The following STPG2 variants were observed in gnomAD, a reference collection of about 807,000 sequenced individuals.
STPG2 encodes sperm-tail PG-rich repeat-containing protein 2.
STPG2 carries 56 observed loss-of-function variants against 54.2 expected under a neutral mutation model. The ratio of observed to expected loss-of-function variants is 1.03; its 90% CI spans 0.83 to 1.29. STPG2 has a LOEUF of 1.29. Among genes scored for constraint, STPG2 ranks in the 50% most tolerant of loss-of-function variants. The pLI is 0.00. For synonymous variants in STPG2, 200 were observed against 181.8 expected (o/e 1.10, Z -0.81); for missense variants, 596 against 544.9 (o/e 1.09, Z -0.93).
intron 3 of STPG2, among the ~76,000 whole-genome samples, chr4:98,110,850 C>T (rs1305268303): frequency 6.6e-6 from 1 of 152,030 alleles, no homozygotes; most frequent in East Asian, 1.9e-4. Flanking sequence ...GTGGAACCAA[C>T]CTCTCTCAGT....
rs527977206 is a variant in STPG2, at chr4:97,932,681, G to A, written c.1044+11216C>T. Among the ~76,000 whole-genome samples the A allele has an allele frequency of 4.1e-4, 63 of 152,182 alleles. 1 individual carries two copies. The highest frequency in any genetic ancestry group is 9.7e-4 in the East Asian group (5 of 5,180). On this transcript the variant is annotated intron_variant, in intron 8 of 10. Transcript: ENST00000295268. ...GGCTTCCAGCTCCATCCATGCACCC[G>A]CAAAGGACATAATCTCATTCCTTTT... is the stretch of plus-strand genomic sequence containing the variant.
intron 10 of STPG2, among the ~76,000 whole-genome samples, chr4:97,590,409 T>C (rs756972051): frequency 1.1e-4 from 16 of 151,766 alleles, no homozygotes; most frequent in African/African-American, 1.9e-4. Context: ...TTATATACTA[T>C]AGGGAAAGGG....
chr4:97,810,293 G>A (rs936778813), intron 9 of STPG2, among the ~76,000 whole-genome samples: 8 of 151,802 alleles, frequency 5.3e-5, no homozygotes, highest in African/African-American at 1.7e-4. Context: ...GTGAAACCCC[G>A]TCTCTACTAA....
intron 4 of STPG2, among the ~76,000 whole-genome samples, chr4:97,466,890 C>T (rs556993571): frequency 1.6e-4 from 24 of 152,004 alleles, no homozygotes; most frequent in Non-Finnish European, 1.5e-4. Context: ...AACAGGATTA[C>T]CTATAAGTTG....
chr4:97,638,940 T>G (rs1404344145), intron 10 of STPG2, among the ~76,000 whole-genome samples: 5 of 149,354 alleles, frequency 3.3e-5, no homozygotes, highest in African/African-American at 1.3e-4. Flanking sequence ...AGTGTGGCGA[T>G]TCCTCAGGGA....
intron 10 of STPG2, among the ~76,000 whole-genome samples, chr4:97,690,563 AG>A (rs796463543): frequency 8.2e-4 from 125 of 152,288 alleles, no homozygotes; most frequent in African/African-American, 2.9e-3. Flanking sequence ...ATTCTTAACC[AG>A]TACTGAGAAA....
At chr4:97,584,400 C>G (rs1732939248) in intron 10 of STPG2, among the ~76,000 whole-genome samples, 1 of 151,790 alleles carries the variant, frequency 6.6e-6, no homozygotes, top group Non-Finnish European at 1.5e-5. Context: ...GAGGAAAGTT[C>G]ATAGCATTAA....
chr4:97,994,159 G>A (rs1470434733), intron 5 of STPG2, among the ~76,000 whole-genome samples: 2 of 152,012 alleles, frequency 1.3e-5, no homozygotes, highest in Admixed American at 1.3e-4. Flanking sequence ...GGTTTGAGAG[G>A]TTGTATCATT....
intron 4 of STPG2, among the ~76,000 whole-genome samples, chr4:97,483,648 C>T (rs1357952658): frequency 1.3e-5 from 2 of 151,782 alleles, no homozygotes; most frequent in Admixed American, 1.3e-4. Context: ...ATTCCACTGA[C>T]AGCACTAGAC....
chr4:98,063,874 T>C (rs1324055678), intron 5 of STPG2, among the ~76,000 whole-genome samples: 3 of 151,914 alleles, frequency 2.0e-5, no homozygotes, highest in Non-Finnish European at 4.4e-5. Context: ...ACTACGTTTC[T>C]ACAAAAAAAA....
intron 9 of STPG2, among the ~76,000 whole-genome samples, chr4:97,839,146 T>A (rs1468640491): frequency 6.6e-6 from 1 of 151,604 alleles, no homozygotes; most frequent in African/African-American, 2.4e-5. Context: ...GGAAGAAACA[T>A]GTTTCATATT....
At chr4:97,842,985 C>T (rs150019930) in intron 8 of STPG2, among the ~76,000 whole-genome samples, 295 of 151,930 alleles carry the variant, frequency 1.9e-3, no homozygotes, top group African/African-American at 7.0e-3. Context: ...GAAACTCTGT[C>T]TAATAACAAT....
At chr4:98,076,734 A>T (rs1309704372) in intron 5 of STPG2, among the ~76,000 whole-genome samples, 1 of 152,226 alleles carries the variant, frequency 6.6e-6, no homozygotes, top group Admixed American at 6.5e-5. Flanking sequence ...CTATAATTTT[A>T]ACAGGTATAG....
chr4:97,814,906 G>A (rs371871740), intron 9 of STPG2, among the ~76,000 whole-genome samples: 7 of 152,108 alleles, frequency 4.6e-5, no homozygotes, highest in African/African-American at 9.6e-5. Context: ...CCCTGTGATC[G>A]TGTGAGTTAA....
chr4:97,497,146 A>T (rs907258733), intron 4 of STPG2, among the ~76,000 whole-genome samples: 2 of 151,794 alleles, frequency 1.3e-5, no homozygotes, highest in African/African-American at 4.8e-5. Context: ...CTTCTCAAGC[A>T]TTAAAGAAAA....
At chr4:98,007,682 G>C (rs1302800221) in intron 5 of STPG2, among the ~76,000 whole-genome samples, 1 of 151,686 alleles carries the variant, frequency 6.6e-6, no homozygotes, top group Non-Finnish European at 1.5e-5. Flanking sequence ...TGAGATCCAA[G>C]AGTAATCTTA....
intron 4 of STPG2, among the ~76,000 whole-genome samples, chr4:97,505,888 T>C (rs1405791747): frequency 4.6e-5 from 7 of 151,544 alleles, no homozygotes; most frequent in African/African-American, 1.7e-4. Context: ...TATTTAGTTG[T>C]ACAATGGCTA....
At chr4:98,020,875 C>T (rs1360591377) in intron 5 of STPG2, among the ~76,000 whole-genome samples, 1 of 152,068 alleles carries the variant, frequency 6.6e-6, no homozygotes, top group Non-Finnish European at 1.5e-5. Flanking sequence ...TCCCCTTTAT[C>T]ATTTTTTATT....
chr4:97,836,923 G>A (rs955995110), intron 9 of STPG2, among the ~76,000 whole-genome samples: 1 of 149,590 alleles, frequency 6.7e-6, no homozygotes, highest in East Asian at 1.9e-4. Flanking sequence ...TTAATATTAA[G>A]CTCTATGAAA....
Sources: gnomAD v4.1 joint callset for allele counts (sites outside exome capture counted in the v4.1 genomes callset) on GRCh38, gnomAD v4.1.1 for gene constraint, MANE v1.5 for transcripts, NCBI Gene and HGNC (gene_info 2026-07-23, HGNC 2026-07-21) for gene names.